Variants in LRRC37A2 observed in about 807,000 individuals in gnomAD.
LRRC37A2 encodes the protein leucine-rich repeat-containing protein 37A2.
A neutral mutation model predicts 68.8 loss-of-function variants in LRRC37A2; 9 were observed. That is an observed-to-expected ratio of 0.13 (90% CI 0.08 to 0.23). The LOEUF (loss-of-function observed/expected upper bound fraction) is 0.23, where lower values mean the gene tolerates loss of function less well. Ranked by LOEUF, LRRC37A2 falls within the 10% of genes least tolerant of loss-of-function variation. The probability of loss-of-function intolerance (pLI) is 1.00; values close to 1 mark genes in which losing one functional copy is unlikely to be tolerated. For missense variants in LRRC37A2, 168 were observed against 950.4 expected (o/e 0.18, Z 10.82); for synonymous variants, 63 against 367.6 (o/e 0.17, Z 9.48).
the LRRC37A2 span, among the ~76,000 whole-genome samples, chr17:46,873,439 T>C: frequency 3.3e-5 from 5 of 152,118 alleles, no homozygotes; most frequent in African/African-American, 4.8e-5. Flanking sequence ...GGTCACCATG[T>C]GACTCCCTTG....
At chr17:46,910,673 G>A in the LRRC37A2 span, among the ~76,000 whole-genome samples, 2 of 152,184 alleles carry the variant, frequency 1.3e-5, no homozygotes, top group Non-Finnish European at 1.5e-5. Flanking sequence ...GCAAGGGAGT[G>A]GAAAGGCTGC....
chr17:47,017,130 G>A, the LRRC37A2 span: 2 of 1,599,924 alleles, frequency 1.3e-6, no homozygotes, highest in Non-Finnish European at 1.7e-6. Context: ...ATAAATACAG[G>A]TGTCATAAAG....
the LRRC37A2 span, among the ~76,000 whole-genome samples, chr17:47,036,164 T>A: frequency 1.3e-5 from 2 of 152,194 alleles, no homozygotes; most frequent in Non-Finnish European, 2.9e-5. Context: ...TTAATTTTGA[T>A]AAAATCTAAT....
the LRRC37A2 span, among the ~76,000 whole-genome samples, chr17:46,738,041 C>A: frequency 7.2e-5 from 11 of 151,900 alleles, no homozygotes; most frequent in Non-Finnish European, 1.6e-4. Flanking sequence ...TCAATTGATC[C>A]TCCCGCCTCA....
At chr17:46,551,034 GCCA>G (rs969005571) in intron 11 of LRRC37A2, among the ~76,000 whole-genome samples, 1 of 149,902 alleles carries the variant, frequency 6.7e-6, no homozygotes, top group African/African-American at 2.5e-5. Context: ...CTACAGAGTA[GCCA>G]TCTTTTACAA....
At chr17:46,690,624 A>AAAAAAAT in the LRRC37A2 span, among the ~76,000 whole-genome samples, 1 of 110,976 alleles carries the variant, frequency 9.0e-6, no homozygotes, top group Non-Finnish European at 1.8e-5. Context: ...AAAAAAAAAA[A>AAAAAAAT]ATATATATAT....
At chr17:46,724,498 GA>G in the LRRC37A2 span, among the ~76,000 whole-genome samples, 1 of 152,176 alleles carries the variant, frequency 6.6e-6, no homozygotes, top group East Asian at 1.9e-4. Flanking sequence ...GCTTCTTTCA[GA>G]AAGGGGTGTA....
the LRRC37A2 span, among the ~76,000 whole-genome samples, chr17:47,016,191 A>AGGG: frequency 6.6e-6 from 1 of 151,408 alleles, no homozygotes; most frequent in African/African-American, 2.4e-5. Context: ...TGATCCCCCC[A>AGGG]CCTCGGCCTC....
At chr17:46,679,881 G>C in the LRRC37A2 span, among the ~76,000 whole-genome samples, 1 of 149,866 alleles carries the variant, frequency 6.7e-6, no homozygotes, top group Admixed American at 6.7e-5. Flanking sequence ...ATAATAAAAA[G>C]GTAATTTTAA....
chr17:46,534,803 G>T (rs1341319018), intron 6 of LRRC37A2, among the ~76,000 whole-genome samples: 1 of 147,806 alleles, frequency 6.8e-6, no homozygotes, highest in Non-Finnish European at 1.5e-5. Flanking sequence ...CCTCCCGGAG[G>T]GGGCGGCTGG....
the LRRC37A2 span, among the ~76,000 whole-genome samples, chr17:46,625,303 A>T: frequency 8.6e-6 from 1 of 116,902 alleles, no homozygotes; most frequent in Non-Finnish European, 1.7e-5. Context: ...TGCCATCCAT[A>T]TGCTTCTGAG....
chr17:46,933,711 G>T, the LRRC37A2 span: 1 of 149,480 alleles, frequency 6.7e-6, no homozygotes, highest in East Asian at 1.9e-4. Flanking sequence ...AATGACACAC[G>T]CCTGTGATCC....
the LRRC37A2 span, chr17:46,936,636 A>C: frequency 1.0e-6 from 1 of 985,348 alleles, no homozygotes; most frequent in Non-Finnish European, 1.2e-6. Flanking sequence ...TGTGGCTGAA[A>C]ATGAATACAT....
At chr17:46,707,520 C>A in the LRRC37A2 span, among the ~76,000 whole-genome samples, 1 of 152,038 alleles carries the variant, frequency 6.6e-6, no homozygotes, top group Non-Finnish European at 1.5e-5. Flanking sequence ...AACTCTATAC[C>A]CATTAAATAA....
the LRRC37A2 span, chr17:46,941,322 G>T: frequency 6.1e-6 from 6 of 985,336 alleles, no homozygotes; most frequent in Non-Finnish European, 7.2e-6. Context: ...TGTTTTGGAA[G>T]CACATCAGCT....
chr17:46,934,799 GTGGAGTGGAAC>G, the LRRC37A2 span, among the ~76,000 whole-genome samples: 725 of 152,354 alleles, frequency 4.8e-3, 1 homozygote, highest in Non-Finnish European at 7.5e-3. Flanking sequence ...AACGATACTT[GTGGAGTGGAAC>G]TCATTTGGAG....
the LRRC37A2 span, among the ~76,000 whole-genome samples, chr17:46,809,386 G>A: frequency 1.3e-5 from 2 of 152,182 alleles, no homozygotes; most frequent in Non-Finnish European, 2.9e-5. Context: ...GCAGATAAGT[G>A]GGACTCTGTG....
chr17:47,001,784 A>C, the LRRC37A2 span, among the ~76,000 whole-genome samples: 3 of 123,120 alleles, frequency 2.4e-5, no homozygotes, highest in African/African-American at 9.6e-5. Flanking sequence ...TGCAGTGGTG[A>C]GATCTCGGCT....
the LRRC37A2 span, among the ~76,000 whole-genome samples, chr17:46,767,779 T>TTTG: frequency 2.6e-5 from 4 of 152,040 alleles, no homozygotes; most frequent in African/African-American, 7.3e-5. Flanking sequence ...TTTTGTTTTT[T>TTTG]TTTGTTTGTT....
Sources: gnomAD v4.1 joint callset for allele counts (sites outside exome capture counted in the v4.1 genomes callset) on GRCh38, gnomAD v4.1.1 for gene constraint, MANE v1.5 for transcripts, NCBI Gene and HGNC (gene_info 2026-07-23, HGNC 2026-07-21) for gene names.